The following AAK1 variants were observed in gnomAD, a reference collection of about 807,000 sequenced individuals.
AAK1 encodes the protein AP2 associated kinase 1.
Under a neutral mutation model 116.0 loss-of-function variants are expected in AAK1, and 37 were observed. The ratio of observed to expected loss-of-function variants is 0.32; its 90% CI spans 0.25 to 0.42. The LOEUF is 0.42. Ranked by LOEUF, AAK1 falls within the 10% of genes least tolerant of loss-of-function variation. AAK1 has a pLI of 1.00. For missense variants in AAK1, 919 were observed against 1,170.6 expected (o/e 0.79, Z 3.14); for synonymous variants, 458 against 439.9 (o/e 1.04, Z -0.51).
Position 69,469,964 on chromosome 2 carries a change from T to C in AAK1, c.*5905A>G, listed in dbSNP as rs916246046. 5.1e-5 allele frequency: 50 copies of C among 985,418 alleles called. No homozygotes were observed. Among genetic ancestry groups the C allele is most frequent in the Non-Finnish European group, 6.0e-5 (50 of 829,944 alleles). 61.0% of individuals were successfully genotyped at this position (985,418 alleles called of 1,614,324 possible). On this transcript the variant is annotated 3_prime_UTR_variant, in exon 22 of 22. Transcript: ENST00000409085. ...CTAAAATACCTGACAACTTGGCAAC[T>C]ATCCTCACCAGCTCCCTATTCACTT... is the stretch of plus-strand genomic sequence containing the variant.
intron 2 of AAK1, among the ~76,000 whole-genome samples, chr2:69,609,235 T>C (rs1573003750): frequency 6.6e-6 from 1 of 151,410 alleles, no homozygotes; most frequent in Non-Finnish European, 1.5e-5. Flanking sequence ...TGGTGGCGGG[T>C]GCCTGTAGTC....
Position 69,482,703 on chromosome 2 carries a change from G to A in AAK1, c.2467+8C>T. On this transcript the variant is annotated splice_region_variant and intron_variant, in intron 18 of 21. Transcript: ENST00000409085. ...GCATGACTGAAGAAACAGAGATGAT[G>A]ACTTTACCAATTACAGCATCAGAAG... 6.3e-7 allele frequency: 1 copy of A among 1,590,530 alleles called. No individual in the cohort carries two copies. Among genetic ancestry groups the A allele is most frequent in the South Asian group, 1.1e-5 (1 of 90,488 alleles).
Position 69,643,652 on chromosome 2 carries a change from GAGA to G in AAK1, c.-315_-313del. ...GGCCGCCGGGCCGGCCTGCGACGCAGAGAAGAGGCGGCGCTGCAGCGAGAGCCG... is the reference window on the plus strand; with the variant it reads ...GGCCGCCGGGCCGGCCTGCGACGCAGAGAGGCGGCGCTGCAGCGAGAGCCG... On this transcript the variant is annotated 5_prime_UTR_variant, in exon 1 of 22. Transcript: ENST00000409085. 1 of 1,227,014 alleles carries G rather than the reference GAGA, an allele frequency of 8.1e-7. No individual in the cohort carries two copies. Among genetic ancestry groups the G allele is most frequent in the Non-Finnish European group, 1.0e-6 (1 of 984,984 alleles). The allele number at this position is 1,227,014 out of a possible 1,614,324, so 76.0% of individuals were successfully genotyped here. A position where few individuals can be genotyped will look rare whatever the true frequency, so the allele number is the denominator to read the frequency against.
intron 3 of AAK1, among the ~76,000 whole-genome samples, chr2:69,556,046 CTCTT>C (rs147531428): frequency 0.037 from 5,565 of 152,164 alleles, 353 homozygotes; most frequent in African/African-American, 0.13. Context: ...TCAGCATGGA[CTCTT>C]TCTTTAAACA....
chr2:69,536,587 G>C (rs1224637373), intron 5 of AAK1, among the ~76,000 whole-genome samples: 2 of 152,162 alleles, frequency 1.3e-5, no homozygotes, highest in Non-Finnish European at 2.9e-5. Flanking sequence ...GCTCAAGATT[G>C]TTTACCACTG....
chr2:69,553,251 A>C (rs1164224534), intron 3 of AAK1, among the ~76,000 whole-genome samples: 1 of 152,140 alleles, frequency 6.6e-6, no homozygotes, highest in Non-Finnish European at 1.5e-5. Context: ...CTGGTAGAAT[A>C]TATGGGTCAC....
intron 3 of AAK1, among the ~76,000 whole-genome samples, chr2:69,546,787 G>C (rs1286916157): frequency 6.6e-6 from 1 of 152,088 alleles, no homozygotes; most frequent in Admixed American, 6.5e-5. Context: ...CTCATCTGCT[G>C]GTTAATAAAA....
rs556214198 is a variant in AAK1 at position 69,470,706 on chromosome 2, C to T, written c.*5163G>A. Reference sequence around the variant, plus strand: ...GTCATATCCAGTGTAGGCTGGCAGGCGTCTTATTCTCCTTGAGACTAAAAC... The same window carrying T: ...GTCATATCCAGTGTAGGCTGGCAGGTGTCTTATTCTCCTTGAGACTAAAAC... On this transcript the variant is annotated 3_prime_UTR_variant, in exon 22 of 22. Transcript: ENST00000409085. The T allele has an allele frequency of 2.5e-5, 25 of 985,390 alleles. No homozygotes were observed. Among genetic ancestry groups the T allele is most frequent in the African/African-American group, 7.0e-5 (4 of 57,318 alleles). The allele number at this position is 985,390 out of a possible 1,614,324, so 61.0% of individuals were successfully genotyped here.
chr2:69,489,947 A>C (rs2104916478), intron 17 of AAK1, among the ~76,000 whole-genome samples: 1 of 152,280 alleles, frequency 6.6e-6, no homozygotes, highest in South Asian at 2.1e-4. Flanking sequence ...AGCAGTTGGA[A>C]ATGAGGAAGA....
intron 17 of AAK1, among the ~76,000 whole-genome samples, chr2:69,494,935 G>A (rs1263969111): frequency 6.6e-6 from 1 of 152,206 alleles, no homozygotes; most frequent in East Asian, 1.9e-4. Context: ...CTGTCTTAGT[G>A]ATGGTGGGCA....
At chr2:69,562,687 C>T (rs956521601) in intron 2 of AAK1, among the ~76,000 whole-genome samples, 1 of 152,064 alleles carries the variant, frequency 6.6e-6, no homozygotes, top group Non-Finnish European at 1.5e-5. Context: ...GTCAGGAGAT[C>T]AAGACCATCC....
chr2:69,550,245 T>C lies in AAK1; in HGVS notation c.283-5701A>G, dbSNP rs144993805. On this transcript the variant is annotated intron_variant, in intron 3 of 21. Coordinates refer to ENST00000409085, the MANE Select transcript of AAK1 (RefSeq NM_014911.5). ...GTTGTTATGACATGGTTTGTTCTTATTGAACCTGAAGGCTCTCTGGACCTC... is the reference window on the plus strand; with the variant it reads ...GTTGTTATGACATGGTTTGTTCTTACTGAACCTGAAGGCTCTCTGGACCTC... Among the ~76,000 whole-genome samples, 946 of 152,346 alleles carry C rather than the reference T, an allele frequency of 6.2e-3. 5 individuals carry two copies. Among genetic ancestry groups the C allele is most frequent in the African/African-American group, 0.022 (912 of 41,590 alleles).
rs924011038 is a variant in AAK1, at chr2:69,562,123, A to G, written c.164-5145T>C. On this transcript the variant is annotated intron_variant, in intron 2 of 21. Coordinates refer to ENST00000409085, the MANE Select transcript of AAK1 (RefSeq NM_014911.5). ...GAATTGTTGGGTCATATGCCAAGTG[A>G]CTATTTCCCTTTATGTATAAGAAAC... Among the ~76,000 whole-genome samples the G allele has an allele frequency of 1.5e-4, 23 of 152,178 alleles. 1 individual carries two copies. Among genetic ancestry groups the G allele is most frequent in the Non-Finnish European group, 1.6e-4 (11 of 68,034 alleles).
chr2:69,514,255 C>T (rs1245680837), intron 13 of AAK1, among the ~76,000 whole-genome samples: 1 of 152,182 alleles, frequency 6.6e-6, no homozygotes, highest in East Asian at 1.9e-4. Context: ...GGCTCTTCAT[C>T]AGTAGCCTAG....
At chr2:69,588,330 C>T (rs545842065) in intron 2 of AAK1, among the ~76,000 whole-genome samples, 1 of 152,210 alleles carries the variant, frequency 6.6e-6, no homozygotes. Flanking sequence ...GGGTACCTGA[C>T]ATCACCTGCA....
intron 2 of AAK1, among the ~76,000 whole-genome samples, chr2:69,633,043 AT>A (rs1303653286): frequency 2.0e-5 from 3 of 151,196 alleles, no homozygotes; most frequent in East Asian, 2.0e-4. Context: ...AATAAAAAAA[AT>A]AAATAAAAAT....
intron 2 of AAK1, among the ~76,000 whole-genome samples, chr2:69,591,175 G>C (rs975157605): frequency 7.2e-5 from 11 of 152,130 alleles, no homozygotes; most frequent in Non-Finnish European, 1.5e-4. Context: ...TAGAAATATG[G>C]AGATTTAGGC....
chr2:69,577,068 C>T (rs1324178226), intron 2 of AAK1, among the ~76,000 whole-genome samples: 9 of 152,170 alleles, frequency 5.9e-5, no homozygotes, highest in Admixed American at 5.9e-4. Flanking sequence ...CATGCATTAC[C>T]TAATTGCATC....
intron 17 of AAK1, among the ~76,000 whole-genome samples, chr2:69,488,586 T>C (rs1269604061): frequency 1.3e-5 from 2 of 152,160 alleles, no homozygotes; most frequent in Non-Finnish European, 2.9e-5. Flanking sequence ...ATAAAGTGTT[T>C]GGTACATAAA....
Sources: allele counts gnomAD v4.1 joint callset (sites outside exome capture counted in the v4.1 genomes callset), GRCh38; gene constraint gnomAD v4.1.1; transcripts MANE v1.5; gene names NCBI Gene and HGNC (gene_info 2026-07-23, HGNC 2026-07-21).